FOXN3: variants seen among roughly 807,000 people sequenced by gnomAD.
The protein encoded by FOXN3 is forkhead box protein N3.
In FOXN3, 7 loss-of-function variants were observed where a neutral mutation model predicts 38.4. That is an observed-to-expected ratio of 0.18 (90% CI 0.10 to 0.34). The LOEUF (loss-of-function observed/expected upper bound fraction) is 0.34. Among genes scored for constraint, FOXN3 ranks in the 10% least tolerant of loss-of-function variants. The probability of loss-of-function intolerance (pLI) is 1.00; values close to 1 mark genes in which losing one functional copy is unlikely to be tolerated. For synonymous variants in FOXN3, 230 were observed against 242.2 expected, an observed-to-expected ratio of 0.95 and a Z score of 0.47; for missense variants, 456 against 613.4, an observed-to-expected ratio of 0.74 and a Z score of 2.71.
intron 1 of FOXN3, among the ~76,000 whole-genome samples, chr14:89,441,428 A>G (rs977154332): frequency 1.3e-5 from 2 of 152,192 alleles, no homozygotes; most frequent in Non-Finnish European, 2.9e-5. Context: ...TTTGTGATTT[A>G]CCTTCTTGGG....
At chr14:89,462,684 CTTCT>C (rs1596283673) in intron 1 of FOXN3, among the ~76,000 whole-genome samples, 1 of 150,564 alleles carries the variant, frequency 6.6e-6, no homozygotes, top group South Asian at 2.1e-4. Context: ...TCTTCCTCTT[CTTCT>C]TTTTTTTTTT....
At chr14:89,528,058 G>C (rs547659374) in intron 1 of FOXN3, among the ~76,000 whole-genome samples, 1 of 152,276 alleles carries the variant, frequency 6.6e-6, no homozygotes, top group African/African-American at 2.4e-5. Context: ...CTCATACCCT[G>C]CTGGTAGAAA....
chr14:89,319,034 G>A (rs1377641097), intron 3 of FOXN3, among the ~76,000 whole-genome samples: 1 of 152,228 alleles, frequency 6.6e-6, no homozygotes, highest in Non-Finnish European at 1.5e-5. Flanking sequence ...CTGGGCCCAA[G>A]AGGACACTTC....
intron 2 of FOXN3, 38 bp downstream of exon 2, chr14:89,411,896 A>G: frequency 7.7e-7 from 1 of 1,297,504 alleles, no homozygotes; most frequent in African/African-American, 1.5e-5. Flanking sequence ...ATTAAAAAAA[A>G]AAAAAGAAAA....
chr14:89,389,867 C>T (rs922410185), intron 2 of FOXN3, among the ~76,000 whole-genome samples: 3 of 152,060 alleles, frequency 2.0e-5, no homozygotes, highest in Admixed American at 1.3e-4. Flanking sequence ...AACAATAAGG[C>T]TCTTTACAAC....
At chr14:89,294,395 C>T (rs1886972862) in intron 3 of FOXN3, among the ~76,000 whole-genome samples, 1 of 152,158 alleles carries the variant, frequency 6.6e-6, no homozygotes, top group African/African-American at 2.4e-5. Flanking sequence ...TACACCGACT[C>T]TCCATGTGCG....
intron 4 of FOXN3, among the ~76,000 whole-genome samples, chr14:89,229,373 A>G (rs1884736094): frequency 1.3e-5 from 2 of 152,230 alleles, no homozygotes; most frequent in African/African-American, 4.8e-5. Flanking sequence ...AGTATTTATT[A>G]AGCTCTTGCC....
intron 4 of FOXN3, among the ~76,000 whole-genome samples, chr14:89,266,915 C>T (rs1317967945): frequency 6.6e-6 from 1 of 152,162 alleles, no homozygotes; most frequent in Admixed American, 6.5e-5. Flanking sequence ...GCGAAGCTCA[C>T]CCAGTAATGA....
chr14:89,432,406 A>C (rs4904574), intron 1 of FOXN3, among the ~76,000 whole-genome samples: 83,610 of 152,048 alleles, frequency 0.55, 25,472 homozygotes, highest in Non-Finnish European at 0.66. Flanking sequence ...CCAAGTACCC[A>C]ATGACTGCGA....
chr14:89,457,088 C>A (rs898906125), intron 1 of FOXN3, among the ~76,000 whole-genome samples: 2 of 152,210 alleles, frequency 1.3e-5, no homozygotes, highest in African/African-American at 4.8e-5. Context: ...CAAAATCACA[C>A]AATTCAAGTC....
At position 89,164,576 on chromosome 14, in the gene FOXN3, C is replaced by T. The variant is rs1887191426; in HGVS notation, c.852-1607G>A. ...TCCATGAGACAGGGTGTGGTTACTGCTAGGCCCCCAGTGGCTATCGCCGTG... is the reference window on the plus strand; with the variant it reads ...TCCATGAGACAGGGTGTGGTTACTGTTAGGCCCCCAGTGGCTATCGCCGTG... On this transcript the variant is annotated intron_variant, in intron 5 of 5. Coordinates refer to ENST00000557258, the MANE Select transcript of FOXN3 (RefSeq NM_005197.4). The surrounding 1 kb of genome is among the most constrained non-coding windows in gnomAD (Gnocchi z 4.3). Among the ~76,000 whole-genome samples, 1 of 152,180 alleles carries T rather than the reference C, an allele frequency of 6.6e-6. No individual in the cohort carries two copies. The highest frequency in any genetic ancestry group is 2.1e-4 in the South Asian group (1 of 4,816).
intron 4 of FOXN3, among the ~76,000 whole-genome samples, chr14:89,243,282 T>C (rs912779002): frequency 6.6e-6 from 1 of 152,258 alleles, no homozygotes; most frequent in Non-Finnish European, 1.5e-5. Flanking sequence ...CTCAGCAACC[T>C]TGGGAAATAA....
rs71130055 is a variant in FOXN3, at chr14:89,333,966, GTATATATATATATATATATATATATATA to G, written c.680+16678_680+16705del. Among the ~76,000 whole-genome samples, 9 of 131,568 alleles carry G rather than the reference GTATATATATATATATATATATATATATA, an allele frequency of 6.8e-5. No individual in the cohort carries two copies. In the South Asian group the frequency reaches 7.6e-4, roughly 11 times the overall value. The allele number at this position is 131,568 out of a possible 152,430, so 86.3% of individuals were successfully genotyped here. A position where few individuals can be genotyped will look rare whatever the true frequency, so the allele number is the denominator to read the frequency against. On this transcript the variant is annotated intron_variant, in intron 3 of 5. Coordinates refer to ENST00000557258, the MANE Select transcript of FOXN3 (RefSeq NM_005197.4). ...TAAATTAATGAAGAAAATGTGGTGT[GTATATATATATATATATATATATATATA>G]TATATATATATATATGTATATAAAT...
At chr14:89,301,258 C>T (rs1199569858) in intron 3 of FOXN3, among the ~76,000 whole-genome samples, 1 of 151,816 alleles carries the variant, frequency 6.6e-6, no homozygotes, top group Admixed American at 6.6e-5. Context: ...ACTGCTTGAG[C>T]CCAGGAGTTT....
At chr14:89,270,861 T>C (rs1421750235) in intron 4 of FOXN3, among the ~76,000 whole-genome samples, 1 of 152,192 alleles carries the variant, frequency 6.6e-6, no homozygotes, top group Non-Finnish European at 1.5e-5. Flanking sequence ...CAAGTATACC[T>C]GACTTAAAAG....
At chr14:89,533,608 G>C (rs1894620150) in intron 1 of FOXN3, among the ~76,000 whole-genome samples, 2 of 143,072 alleles carry the variant, frequency 1.4e-5, no homozygotes, top group African/African-American at 5.2e-5. Context: ...CTTGCAGTGA[G>C]CGGAGATCGC....
intron 4 of FOXN3, among the ~76,000 whole-genome samples, chr14:89,244,862 C>G (rs553699424): frequency 6.6e-6 from 1 of 152,184 alleles, no homozygotes; most frequent in Non-Finnish European, 1.5e-5. Flanking sequence ...TTGCACTGGG[C>G]ACCTGTGCGT....
At chr14:89,404,939 T>C (rs1372717912) in intron 2 of FOXN3, among the ~76,000 whole-genome samples, 1 of 152,168 alleles carries the variant, frequency 6.6e-6, no homozygotes, top group Non-Finnish European at 1.5e-5. Flanking sequence ...CAATGAGCAT[T>C]ATTTATCCAA....
chr14:89,248,321 C>T (rs61985234), intron 4 of FOXN3, among the ~76,000 whole-genome samples: 21,714 of 152,210 alleles, frequency 0.14, 1,910 homozygotes, highest in Middle Eastern at 0.2. Context: ...AGTTTTAGTT[C>T]CACCTTCCAT....
Sources: gnomAD v4.1 joint callset for allele counts (sites outside exome capture counted in the v4.1 genomes callset) on GRCh38, gnomAD v4.1.1 for gene constraint, Gnocchi (gnomAD v3.1) non-coding constraint, MANE v1.5 for transcripts, NCBI Gene and HGNC (gene_info 2026-07-23, HGNC 2026-07-21) for gene names.